The following CLDN18 variants were observed in gnomAD, a reference collection of about 807,000 sequenced individuals.
CLDN18 encodes claudin 18.
CLDN18 carries 20 observed loss-of-function variants against 25.0 expected under a neutral mutation model. The observed-to-expected ratio is 0.80, with a 90% confidence interval of 0.56 to 1.16. The LOEUF is 1.16. Among genes scored for constraint, CLDN18 ranks in the 50% most tolerant of loss-of-function variants. The probability of loss-of-function intolerance (pLI) is 0.00; values close to 1 mark genes in which losing one functional copy is unlikely to be tolerated. For missense variants in CLDN18, 297 were observed against 345.4 expected (o/e 0.86, Z 1.11); for synonymous variants, 125 against 135.6 (o/e 0.92, Z 0.54).
intron 1 of CLDN18, among the ~76,000 whole-genome samples, chr3:137,999,532 C>G (rs890061380): frequency 2.0e-5 from 3 of 152,110 alleles, no homozygotes; most frequent in East Asian, 3.9e-4. Context: ...CCAGGGACAC[C>G]TAAGTAAGCA....
intron 1 of CLDN18, among the ~76,000 whole-genome samples, chr3:137,999,727 G>A (rs761450372): frequency 3.3e-5 from 5 of 152,302 alleles, no homozygotes; most frequent in Admixed American, 6.5e-5. Flanking sequence ...GCAAATGGGC[G>A]CTGCCATGCA....
chr3:138,024,961 G>T (rs1442720914), intron 3 of CLDN18, among the ~76,000 whole-genome samples: 1 of 152,204 alleles, frequency 6.6e-6, no homozygotes, highest in Admixed American at 6.5e-5. Flanking sequence ...TACAGTGACA[G>T]TTCATAGTAT....
chr3:138,013,105 C>G (rs1484323018), intron 1 of CLDN18, among the ~76,000 whole-genome samples: 1 of 152,096 alleles, frequency 6.6e-6, no homozygotes, highest in Non-Finnish European at 1.5e-5. Flanking sequence ...TTAAATAGTA[C>G]GAATAGTTCA....
intron 1 of CLDN18, among the ~76,000 whole-genome samples, chr3:138,019,470 C>G (rs768266720): frequency 3.7e-4 from 57 of 152,304 alleles, no homozygotes; most frequent in Non-Finnish European, 7.6e-4. Flanking sequence ...TCCGCCTACT[C>G]CACCAGGGCC....
chr3:138,029,795 A>T lies in CLDN18; in HGVS notation c.504-2A>T. ...ATTGACAGCCACCATCTCCCTACCC[A>T]GGTACACATTTGGTGCGGCTCTGTT... On this transcript the variant is annotated splice_acceptor_variant, in intron 3 of 4. Transcript: ENST00000183605. LOFTEE classifies it high-confidence loss of function. The T allele has an allele frequency of 6.5e-7, 1 of 1,547,496 alleles. No individual in the cohort carries two copies. Among genetic ancestry groups the T allele is most frequent in the Non-Finnish European group, 8.7e-7 (1 of 1,144,532 alleles).
chr3:138,005,303 A>C (rs1203246014), upstream of CLDN18, among the ~76,000 whole-genome samples: 2 of 152,230 alleles, frequency 1.3e-5, no homozygotes, highest in Non-Finnish European at 2.9e-5. Flanking sequence ...CAGGTTTGTT[A>C]CATAGGTATA....
upstream of CLDN18, among the ~76,000 whole-genome samples, chr3:138,005,768 T>C (rs1942062218): frequency 5.3e-5 from 8 of 152,206 alleles, no homozygotes. Context: ...TTTTTAAAAC[T>C]TCACAGTTTT....
At chr3:138,002,830 CA>C (rs1942032875) in intron 1 of CLDN18, among the ~76,000 whole-genome samples, 1 of 152,172 alleles carries the variant, frequency 6.6e-6, no homozygotes, top group Non-Finnish European at 1.5e-5. Flanking sequence ...TGGGTTTAGA[CA>C]AAGTCCCTTC....
intron 1 of CLDN18, among the ~76,000 whole-genome samples, chr3:138,021,862 C>T (rs540293383): frequency 4.6e-5 from 7 of 152,274 alleles, no homozygotes; most frequent in African/African-American, 1.7e-4. Context: ...TAAAGGTTAG[C>T]ATGTCTAGAC....
At chr3:138,005,260 A>G (rs1471744939), upstream of CLDN18, 3 of 151,996 alleles carry the variant, frequency 2.0e-5, no homozygotes, top group East Asian at 1.9e-4. Context: ...TTATTATTAT[A>G]CTTTAAGTTC....
At chr3:138,017,895 T>C (rs7649274) in intron 1 of CLDN18, among the ~76,000 whole-genome samples, 54,984 of 152,022 alleles carry the variant, frequency 0.36, 11,502 homozygotes, top group Middle Eastern at 0.57. Flanking sequence ...ACCTGCAACT[T>C]AGGTAAATGA....
chr3:138,001,920 T>C (rs74331361), intron 1 of CLDN18, among the ~76,000 whole-genome samples: 15,560 of 152,070 alleles, frequency 0.1, 836 homozygotes, highest in South Asian at 0.12. Flanking sequence ...AAAAAACTAA[T>C]AAGCCCAAAT....
intron 3 of CLDN18, among the ~76,000 whole-genome samples, chr3:138,025,379 T>C (rs1179392630): frequency 6.6e-6 from 1 of 152,156 alleles, no homozygotes; most frequent in East Asian, 1.9e-4. Flanking sequence ...CCATATTCAT[T>C]TAGTCACTTT....
chr3:138,005,401 C>G (rs914900981), upstream of CLDN18, among the ~76,000 whole-genome samples: 1 of 152,056 alleles, frequency 6.6e-6, no homozygotes, highest in African/African-American at 2.4e-5. Flanking sequence ...ACCCACCCCC[C>G]TAACAGGCCC....
At position 137,999,210 on chromosome 3, in the gene CLDN18, CA is replaced by C. The variant is rs1177589241; in HGVS notation, c.220+123del. The C allele has an allele frequency of 1.5e-5, 12 of 807,826 alleles. No homozygotes were observed. The African/African-American group carries it at 1.7e-4, about 11-fold the overall frequency. The allele number at this position is 807,826 out of a possible 1,614,324, so 50.0% of individuals were successfully genotyped here. ...GGGAGGAACTGCGATTCGTGTTTGA[CA>C]GGGGCAACAGCCACCTGCACCAGGG... On this transcript the variant is annotated intron_variant, in intron 1 of 4. Transcript: ENST00000343735.
At chr3:138,008,108 T>A (rs902015788), upstream of CLDN18, among the ~76,000 whole-genome samples, 1 of 151,592 alleles carries the variant, frequency 6.6e-6, no homozygotes, top group African/African-American at 2.4e-5. Context: ...AATAATGCAG[T>A]GGGAGCAGAG....
intron 1 of CLDN18, among the ~76,000 whole-genome samples, chr3:138,013,048 G>A (rs953796721): frequency 3.9e-5 from 6 of 152,270 alleles, no homozygotes; most frequent in Non-Finnish European, 7.4e-5. Flanking sequence ...CCAGAAAAGC[G>A]CCTGGTAGAG....
At chr3:138,020,949 A>C (rs1201266598) in intron 1 of CLDN18, among the ~76,000 whole-genome samples, 1 of 152,210 alleles carries the variant, frequency 6.6e-6, no homozygotes, top group African/African-American at 2.4e-5. Context: ...ATTTTGAGGC[A>C]ATTTTGGATT....
At chr3:138,029,337 G>A (rs773840736) in intron 3 of CLDN18, among the ~76,000 whole-genome samples, 1 of 151,988 alleles carries the variant, frequency 6.6e-6, no homozygotes, top group Non-Finnish European at 1.5e-5. Flanking sequence ...GTAGAGACAG[G>A]GTTTCACCAT....
Sources: allele counts gnomAD v4.1 joint callset (sites outside exome capture counted in the v4.1 genomes callset), GRCh38; gene constraint gnomAD v4.1.1; transcripts MANE v1.5; gene names NCBI Gene and HGNC (gene_info 2026-07-23, HGNC 2026-07-21).